WDR47: variants seen among roughly 807,000 people sequenced by gnomAD.
The protein encoded by WDR47 is WD repeat-containing protein 47.
Under a neutral mutation model 97.2 loss-of-function variants are expected in WDR47, and 32 were observed. The ratio of observed to expected loss-of-function variants is 0.33; its 90% CI spans 0.25 to 0.44. The LOEUF is 0.44. Ranked by LOEUF, WDR47 falls within the 20% of genes least tolerant of loss-of-function variation. The pLI, the probability that WDR47 is intolerant of heterozygous loss-of-function variation, is 1.00. For missense variants in WDR47, 782 were observed against 1,102.3 expected (o/e 0.71, Z 4.11); for synonymous variants, 375 against 373.5 (o/e 1.00, Z -0.05).
intron 10 of WDR47, among the ~76,000 whole-genome samples, chr1:108,983,864 A>G (rs1429202580): frequency 6.6e-6 from 1 of 152,238 alleles, no homozygotes; most frequent in Non-Finnish European, 1.5e-5. Flanking sequence ...AATGTGAGCA[A>G]TGTGCAAGAG....
rs562389506 is a variant in WDR47, at chr1:108,988,978, G to C, written c.1767+2276C>G. ...TCACCATGTTGGCCAGACTGGTCTC[G>C]AACCCCTGAGCTCAAGTGATCTGCC... On this transcript the variant is annotated intron_variant, in intron 9 of 14. Coordinates refer to ENST00000369962, the MANE Select transcript of WDR47 (RefSeq NM_001142551.2). Among the ~76,000 whole-genome samples, 410 of 152,066 alleles carry C rather than the reference G, an allele frequency of 2.7e-3. 3 individuals are homozygous for C. Among genetic ancestry groups the C allele is most frequent in the African/African-American group, 9.5e-3 (396 of 41,486 alleles).
chr1:108,978,443 C>T (rs11102733), intron 13 of WDR47, among the ~76,000 whole-genome samples: 5,797 of 151,420 alleles, frequency 0.038, 389 homozygotes, highest in African/African-American at 0.13. Context: ...TGCGCCACTG[C>T]ACTCCAGCCT....
chr1:108,972,587 C>T (rs939471661), intron 14 of WDR47, among the ~76,000 whole-genome samples: 1 of 152,120 alleles, frequency 6.6e-6, no homozygotes, highest in Non-Finnish European at 1.5e-5. Flanking sequence ...TATGGGAAAT[C>T]TCCGTATCTC....
intron 8 of WDR47, among the ~76,000 whole-genome samples, chr1:108,993,549 G>T (rs373881480): frequency 6.6e-6 from 1 of 152,108 alleles, no homozygotes; most frequent in Non-Finnish European, 1.5e-5. Flanking sequence ...CCCTTTTCAG[G>T]AAACTGTGAG....
At chr1:108,981,236 T>TTGTGTGTGTG (rs142506856) in intron 13 of WDR47, among the ~76,000 whole-genome samples, 2 of 149,734 alleles carry the variant, frequency 1.3e-5, no homozygotes, top group East Asian at 3.9e-4. Context: ...ATGCTACCAT[T>TTGTGTGTGTG]TGTGTGTGTG....
At position 109,004,590 on chromosome 1, in the gene WDR47, A is replaced by G. The variant is rs1221073992; in HGVS notation, c.1254+2T>C. 1 of 1,609,868 alleles carries G rather than the reference A, an allele frequency of 6.2e-7. No homozygotes were observed. Among genetic ancestry groups the G allele is most frequent in the Non-Finnish European group, 8.5e-7 (1 of 1,178,578 alleles). ...AAAAACACTAGGTTTAGTAAATATT[A>G]CCTCATTTTTTTCTTGTTTAGCTGG... On this transcript the variant is annotated splice_donor_variant, in intron 6 of 14. Coordinates refer to ENST00000369962, the MANE Select transcript of WDR47 (RefSeq NM_001142551.2). LOFTEE classifies it high-confidence loss of function.
At position 109,039,207 on chromosome 1, in the gene WDR47, C is replaced by CTA. The variant is rs547761798; in HGVS notation, c.-10+2653_-10+2654dup. On this transcript the variant is annotated intron_variant, in intron 1 of 14. Transcript: ENST00000369962. The stretch of plus-strand genomic sequence containing the variant: ...GATCGAGCTATTACAGTGAATAAGA[C>CTA]TATAGAACACAAAAGAAAGGTTTTA... Among the ~76,000 whole-genome samples the CTA allele has an allele frequency of 5.4e-3, 823 of 151,950 alleles. 7 individuals are homozygous for CTA. Among genetic ancestry groups the CTA allele is most frequent in the Non-Finnish European group, 7.8e-3 (533 of 67,980 alleles).
chr1:108,992,141 T>C (rs1659395018), intron 8 of WDR47: 1 of 609,512 alleles, frequency 1.6e-6, no homozygotes, highest in Admixed American at 2.9e-5. Context: ...TAAGAGGAAA[T>C]AACAGATTAA....
chr1:108,974,724 G>C lies in WDR47; in HGVS notation c.2429C>G (p.Pro810Arg). 1 of 1,612,814 alleles carries C rather than the reference G, an allele frequency of 6.2e-7. No homozygotes were observed. The highest frequency in any genetic ancestry group is 8.5e-7 in the Non-Finnish European group (1 of 1,179,436). The change falls in exon 14 of 15, where the codon CCC (proline) becomes CGC (arginine). Residue 810 changes from proline (P) to arginine (R), a missense_variant. Transcript: ENST00000369962. ...GSAVASVAVDPSGRLLATGQE... is the reference protein window; with the variant it reads ...GSAVASVAVDRSGRLLATGQE... ...ACCTGTGGCTAAGAGACGACCACTG[G>C]GATCTACAGCTACAGATGCCACTGC... is the stretch of plus-strand genomic sequence containing the variant.
intron 5 of WDR47, among the ~76,000 whole-genome samples, chr1:109,007,699 G>A (rs949913152): frequency 2.0e-5 from 3 of 152,070 alleles, no homozygotes; most frequent in Admixed American, 6.6e-5. Context: ...GCAAGTCAAC[G>A]CTTTATTATA....
chr1:109,012,806 A>G (rs1044676729), intron 4 of WDR47, among the ~76,000 whole-genome samples: 2 of 152,162 alleles, frequency 1.3e-5, no homozygotes, highest in Non-Finnish European at 2.9e-5. Flanking sequence ...AAGGTAATTC[A>G]GTTGATTAGT....
At chr1:108,990,262 A>G (rs1208372462) in intron 9 of WDR47, among the ~76,000 whole-genome samples, 1 of 151,786 alleles carries the variant, frequency 6.6e-6, no homozygotes. Context: ...AGGCTGGAGT[A>G]CAATGGCGCG....
intron 13 of WDR47, among the ~76,000 whole-genome samples, chr1:108,975,654 G>A (rs1339528725): frequency 6.7e-6 from 1 of 150,372 alleles, no homozygotes; most frequent in Non-Finnish European, 1.5e-5. Flanking sequence ...GAGACAGAGT[G>A]AGACCCTGTC....
intron 8 of WDR47, chr1:108,992,447 CAG>C: frequency 1.3e-6 from 2 of 1,590,744 alleles, no homozygotes; most frequent in Non-Finnish European, 1.7e-6. Flanking sequence ...TTTACAGAAA[CAG>C]TGTGTACCAT....
chr1:109,008,725 A>T (rs992509446), intron 5 of WDR47, among the ~76,000 whole-genome samples: 2 of 152,068 alleles, frequency 1.3e-5, no homozygotes, highest in African/African-American at 4.8e-5. Context: ...CTCCTGCGTC[A>T]GCCTCCTGAG....
At chr1:109,029,977 T>A (rs1346994390) in intron 1 of WDR47, 3 of 385,718 alleles carry the variant, frequency 7.8e-6, no homozygotes, top group Non-Finnish European at 1.4e-5. Context: ...CATGAAAAAA[T>A]ATCACTGGTA....
intron 1 of WDR47, among the ~76,000 whole-genome samples, chr1:109,025,817 C>T (rs926499278): frequency 6.6e-6 from 1 of 151,988 alleles, no homozygotes; most frequent in South Asian, 2.1e-4. Context: ...AATTATACGA[C>T]TCACTCAAAT....
rs149608050 is a variant in WDR47, at chr1:109,033,847, A to G, written c.-10+8015T>C. Among the ~76,000 whole-genome samples the G allele has an allele frequency of 1.7e-3, 260 of 152,294 alleles. 3 individuals are homozygous for G. The highest frequency in any genetic ancestry group is 0.011 in the Admixed American group (162 of 15,292). On this transcript the variant is annotated intron_variant, in intron 1 of 14. Coordinates refer to ENST00000369962, the MANE Select transcript of WDR47 (RefSeq NM_001142551.2). ...GGCAGGAGAATTGCTTGAACCAGGG[A>G]GTCGGAGGTTGCAGTGAGCCGAGAT...
intron 1 of WDR47, among the ~76,000 whole-genome samples, chr1:109,031,912 G>A (rs1487539521): frequency 1.5e-5 from 2 of 129,514 alleles, no homozygotes; most frequent in African/African-American, 2.8e-5. Context: ...AGATCCTCCC[G>A]CCTCAGCCTT....
Sources: gnomAD v4.1 joint callset for allele counts (sites outside exome capture counted in the v4.1 genomes callset) on GRCh38, gnomAD v4.1.1 for gene constraint, MANE v1.5 for transcripts, NCBI Gene and HGNC (gene_info 2026-07-23, HGNC 2026-07-21) for gene names.